Variants in ARHGAP20 observed in about 807,000 individuals in gnomAD.
ARHGAP20 encodes rho GTPase-activating protein 20.
Under a neutral mutation model 73.7 loss-of-function variants are expected in ARHGAP20, and 34 were observed. The ratio of observed to expected loss-of-function variants is 0.46; its 90% CI spans 0.35 to 0.61. The LOEUF (loss-of-function observed/expected upper bound fraction) is 0.61. Among genes scored for constraint, ARHGAP20 ranks in the 20% least tolerant of loss-of-function variants. The pLI is 0.00. For synonymous variants in ARHGAP20, 523 were observed against 518.2 expected (o/e 1.01, Z -0.13); for missense variants, 1,314 against 1,420.9 (o/e 0.92, Z 1.21).
At chr11:110,705,700 T>G (rs1383870133) in intron 1 of ARHGAP20, among the ~76,000 whole-genome samples, 1 of 152,176 alleles carries the variant, frequency 6.6e-6, no homozygotes, top group Admixed American at 6.5e-5. Context: ...TCCTCCAGAC[T>G]CAGTGGAGCA....
rs1385562585 is a variant in ARHGAP20, at chr11:110,595,409, C to A, written c.965-3254G>T. Among the ~76,000 whole-genome samples the A allele has an allele frequency of 3.3e-5, 5 of 152,196 alleles. No individual in the cohort carries two copies. The East Asian group carries it at 5.8e-4, about 18-fold the overall frequency. ...CTAGAAAACCCCATGGTCTCAGCCC[C>A]AAATCTCCTTAAGCTGATAAGCAAC... On this transcript the variant is annotated intron_variant, in intron 9 of 14. Coordinates refer to ENST00000683387, the MANE Select transcript of ARHGAP20 (RefSeq NM_001384657.1).
intron 2 of ARHGAP20, among the ~76,000 whole-genome samples, chr11:110,662,218 GTA>G (rs1414076335): frequency 6.6e-6 from 1 of 151,734 alleles, no homozygotes; most frequent in Non-Finnish European, 1.5e-5. Context: ...AGAAAAAACA[GTA>G]TTGAGGAGAC....
At chr11:110,671,585 T>C (rs747871953) in intron 2 of ARHGAP20, among the ~76,000 whole-genome samples, 3 of 152,132 alleles carry the variant, frequency 2.0e-5, no homozygotes, top group Non-Finnish European at 4.4e-5. Flanking sequence ...TGAATGTGTA[T>C]GTAGAATATC....
chr11:110,624,120 GT>G (rs767520481), intron 4 of ARHGAP20, 41 bp downstream of exon 4: 4 of 1,578,606 alleles, frequency 2.5e-6, no homozygotes, highest in Non-Finnish European at 3.4e-6. Context: ...AATTATCATA[GT>G]AGCTAACCCA....
At chr11:110,682,060 A>G (rs1950047230) in intron 2 of ARHGAP20, among the ~76,000 whole-genome samples, 1 of 152,192 alleles carries the variant, frequency 6.6e-6, no homozygotes, top group Non-Finnish European at 1.5e-5. Flanking sequence ...AATAAATCCA[A>G]AATATCCTGA....
At chr11:110,615,396 G>C (rs326944) in intron 5 of ARHGAP20, among the ~76,000 whole-genome samples, 157 bp downstream of exon 5, 29,921 of 152,020 alleles carry the variant, frequency 0.2, 3,657 homozygotes, top group African/African-American at 0.34. Context: ...TAGCAAGTAA[G>C]TAGCTAGTGT....
chr11:110,631,489 G>A (rs1312242319), intron 2 of ARHGAP20, among the ~76,000 whole-genome samples: 1 of 152,102 alleles, frequency 6.6e-6, no homozygotes. Flanking sequence ...TTTAAAAATA[G>A]CCCAATCAGA....
chr11:110,615,891 T>C (rs1350736284), intron 4 of ARHGAP20, among the ~76,000 whole-genome samples: 1 of 152,118 alleles, frequency 6.6e-6, no homozygotes, highest in African/African-American at 2.4e-5. Context: ...TGTGAGAGAG[T>C]TCCTATAGTG....
intron 2 of ARHGAP20, among the ~76,000 whole-genome samples, chr11:110,688,822 G>A (rs1187172162): frequency 6.6e-6 from 1 of 152,140 alleles, no homozygotes; most frequent in Non-Finnish European, 1.5e-5. Context: ...TACATTTCTT[G>A]ATCAACCCAA....
chr11:110,653,971 A>G (rs145363612), intron 2 of ARHGAP20, among the ~76,000 whole-genome samples: 1,961 of 152,208 alleles, frequency 0.013, 49 homozygotes, highest in African/African-American at 0.045. Context: ...CAAACACTCC[A>G]TGTTCTCACT....
Position 110,577,320 on chromosome 11 carries a change from A to ATACTT in ARHGAP20, c.*2045_*2049dup, listed in dbSNP as rs1251740723. ...GTCTGTCTTCAAATCATACAATATA[A>ATACTT]TACTTTACAGCAATATTAACAAACT... On this transcript the variant is annotated 3_prime_UTR_variant, in exon 15 of 15. Transcript: ENST00000683387. 21 of 1,296,500 alleles carry ATACTT rather than the reference A, an allele frequency of 1.6e-5. No homozygotes were observed. The highest frequency in any genetic ancestry group is 2.5e-5 in the South Asian group (1 of 40,302). 80.3% of individuals were successfully genotyped at this position (1,296,500 alleles called of 1,614,324 possible).
At chr11:110,687,791 C>T (rs956701173) in intron 2 of ARHGAP20, among the ~76,000 whole-genome samples, 1 of 152,056 alleles carries the variant, frequency 6.6e-6, no homozygotes, top group African/African-American at 2.4e-5. Flanking sequence ...TCAATAAGTA[C>T]ATGCTCAGAC....
Position 110,678,368 on chromosome 11 carries a change from T to C in ARHGAP20, c.188+12179A>G, listed in dbSNP as rs955868362. ...AACTGGTGAATTATACCATAAGAAC[T>C]GTATCTCCATAAAGATGTTGTTTTG... On this transcript the variant is annotated intron_variant, in intron 2 of 14. Coordinates refer to ENST00000683387, the MANE Select transcript of ARHGAP20 (RefSeq NM_001384657.1). Among the ~76,000 whole-genome samples, 6 of 152,346 alleles carry C rather than the reference T, an allele frequency of 3.9e-5. 1 individual carries two copies. The highest frequency in any genetic ancestry group is 4.4e-5 in the Non-Finnish European group (3 of 68,030).
chr11:110,617,351 C>T (rs1948507560), intron 4 of ARHGAP20, among the ~76,000 whole-genome samples: 1 of 151,836 alleles, frequency 6.6e-6, no homozygotes, highest in South Asian at 2.1e-4. Context: ...CAACCTCCGC[C>T]TCCTGGGTTC....
intron 3 of ARHGAP20, among the ~76,000 whole-genome samples, chr11:110,626,269 T>C (rs1305790631): frequency 6.6e-6 from 1 of 152,206 alleles, no homozygotes; most frequent in African/African-American, 2.4e-5. Context: ...AGATATCATG[T>C]GGGAACATCC....
At chr11:110,666,004 C>T (rs969051924) in intron 2 of ARHGAP20, among the ~76,000 whole-genome samples, 13 of 151,860 alleles carry the variant, frequency 8.6e-5, no homozygotes, top group Admixed American at 2.6e-4. Flanking sequence ...CGTATATATG[C>T]GTGTCCGTAG....
rs1258167702 is a variant in ARHGAP20, at chr11:110,628,134, A to G, written c.353+2494T>C. 2.6e-5 allele frequency among the ~76,000 whole-genome samples: 4 copies of G among 152,182 alleles called. No homozygotes were observed. In the East Asian group the frequency reaches 7.7e-4, roughly 29 times the overall value. On this transcript the variant is annotated intron_variant, in intron 3 of 14. Transcript: ENST00000683387. ...AGTTGATTGATTATTTATCCCTCTCAAGTTTATTTCTCTAGGCCCAACCTA... is the reference window on the plus strand; with the variant it reads ...AGTTGATTGATTATTTATCCCTCTCGAGTTTATTTCTCTAGGCCCAACCTA...
rs1299263994 is a variant in ARHGAP20, at chr11:110,630,689, G to A, written c.292C>T (p.Leu98Phe). The A allele has an allele frequency of 1.9e-6, 3 of 1,614,064 alleles. No homozygotes were observed. Among genetic ancestry groups the A allele is most frequent in the African/African-American group, 1.3e-5 (1 of 75,002 alleles). ...AAAAGATGCCGCTCCTGCCTCTGGA[G>A]GCCTCTTTTGAGTTCTGCCCGGCCA... ...IDGRAELKRGLQRQERHLFLF... is the reference protein window; with the variant it reads ...IDGRAELKRGFQRQERHLFLF... Residue 98 changes from leucine (L) to phenylalanine (F), a missense_variant, in exon 3 of 15, where the codon CTC (leucine) becomes TTC (phenylalanine). This residue lies in a region of ARHGAP20 where 443 missense variants were observed against 466.4 expected (regional missense o/e 0.95). Coordinates refer to ENST00000683387, the MANE Select transcript of ARHGAP20 (RefSeq NM_001384657.1).
chr11:110,690,906 C>A (rs878889784), intron 1 of ARHGAP20: 2 of 1,213,300 alleles, frequency 1.6e-6, no homozygotes, highest in African/African-American at 1.5e-5. Context: ...GGGAGAAACA[C>A]CATCATAACC....
Sources: allele counts gnomAD v4.1 joint callset (sites outside exome capture counted in the v4.1 genomes callset), GRCh38; gene constraint gnomAD v4.1.1; regional missense constraint gnomAD v4.1.1; transcripts MANE v1.5; gene names NCBI Gene and HGNC (gene_info 2026-07-23, HGNC 2026-07-21).